The following MALRD1 variants were observed in gnomAD, a reference collection of about 807,000 sequenced individuals.
The protein encoded by MALRD1 is MAM and LDL-receptor class A domain-containing protein 1.
In MALRD1, 247 loss-of-function variants were observed where a neutral mutation model predicts 242.1. That is an observed-to-expected ratio of 1.02 (90% CI 0.92 to 1.13). The LOEUF is 1.13. Among genes scored for constraint, MALRD1 ranks in the 50% most tolerant of loss-of-function variants. The probability of loss-of-function intolerance (pLI) is 0.00; values close to 1 mark genes in which losing one functional copy is unlikely to be tolerated. For synonymous variants in MALRD1, 995 were observed against 866.6 expected, an observed-to-expected ratio of 1.15 and a Z score of -2.60; for missense variants, 2,989 against 2,533.1, an observed-to-expected ratio of 1.18 and a Z score of -3.86.
intron 1 of MALRD1, among the ~76,000 whole-genome samples, chr10:19,055,622 T>A (rs1260086501): frequency 2.0e-5 from 3 of 152,234 alleles, no homozygotes; most frequent in Non-Finnish European, 4.4e-5. Flanking sequence ...CATCTGCATA[T>A]GGATGTCCAG....
chr10:19,518,839 ATCAC>A (rs1478008960), intron 31 of MALRD1, among the ~76,000 whole-genome samples: 1 of 152,218 alleles, frequency 6.6e-6, no homozygotes, highest in Non-Finnish European at 1.5e-5. Flanking sequence ...CCATTCATGA[ATCAC>A]TCACAACCAC....
At chr10:19,603,996 A>G (rs1057187406) in intron 34 of MALRD1, among the ~76,000 whole-genome samples, 6 of 152,160 alleles carry the variant, frequency 3.9e-5, no homozygotes, top group Admixed American at 3.9e-4. Flanking sequence ...TTGGCCAACT[A>G]CAATAGCTTC....
chr10:19,332,922 G>T (rs144246117), intron 24 of MALRD1, among the ~76,000 whole-genome samples: 1,738 of 152,134 alleles, frequency 0.011, 20 homozygotes, highest in Middle Eastern at 0.037. Context: ...TGTGCACAAC[G>T]TGCAGGTTTG....
At chr10:19,217,842 C>T (rs1837390651) in intron 18 of MALRD1, among the ~76,000 whole-genome samples, 1 of 152,144 alleles carries the variant, frequency 6.6e-6, no homozygotes, top group Admixed American at 6.5e-5. Context: ...GGTCTTTATA[C>T]TTACTTGTTT....
At chr10:19,624,008 T>G (rs1839527247) in intron 36 of MALRD1, among the ~76,000 whole-genome samples, 1 of 152,156 alleles carries the variant, frequency 6.6e-6, no homozygotes. Flanking sequence ...ACCTCTTGAA[T>G]AAGCAACATA....
chr10:19,103,750 C>T (rs1243007165), intron 4 of MALRD1, among the ~76,000 whole-genome samples: 2 of 152,074 alleles, frequency 1.3e-5, no homozygotes, highest in African/African-American at 2.4e-5. Context: ...ATTTCACTAT[C>T]ATGTTACCTA....
At chr10:19,611,671 C>G (rs1838904661) in intron 35 of MALRD1, among the ~76,000 whole-genome samples, 1 of 152,016 alleles carries the variant, frequency 6.6e-6, no homozygotes, top group African/African-American at 2.4e-5. Context: ...TGGAAATACT[C>G]AGCCTCTTCA....
intron 30 of MALRD1, 82 bp from the exon 31 acceptor site, chr10:19,498,403 A>G: frequency 8.8e-6 from 11 of 1,255,930 alleles, no homozygotes; most frequent in Non-Finnish European, 1.1e-5. Context: ...GCAGATACTA[A>G]TTTTAAATGA....
intron 31 of MALRD1, among the ~76,000 whole-genome samples, chr10:19,524,807 A>C (rs1045437603): frequency 6.6e-6 from 1 of 152,160 alleles, no homozygotes; most frequent in Admixed American, 6.5e-5. Context: ...ATTGTCTTTT[A>C]TTATTTTTCC....
At chr10:19,344,054 TAA>T (rs1826501417) in intron 24 of MALRD1, among the ~76,000 whole-genome samples, 2 of 152,148 alleles carry the variant, frequency 1.3e-5, no homozygotes, top group African/African-American at 4.8e-5. Context: ...ATTATGGGTA[TAA>T]GTCTTTTAAC....
At chr10:19,302,036 A>T (rs1841972820) in intron 21 of MALRD1, among the ~76,000 whole-genome samples, 1 of 151,878 alleles carries the variant, frequency 6.6e-6, no homozygotes, top group Non-Finnish European at 1.5e-5. Context: ...GTCAATAGAA[A>T]ATTCAAATCA....
At position 19,531,254 on chromosome 10, in the gene MALRD1, G is replaced by T. The variant is rs1031543880; in HGVS notation, c.5381G>T (p.Arg1794Ile). 6.4e-7 allele frequency: 1 copy of T among 1,550,480 alleles called. No homozygotes were observed. ...SSGSKEGSVA[R>I]ITTSKSFPAS... ...GGCTCCAAGGAAGGATCCGTTGCCA[G>T]AATTACTACTTCCAAATCCTTCCCA... The change falls in exon 32 of 40, where the codon AGA (arginine) becomes ATA (isoleucine). Residue 1794 changes from arginine to isoleucine, a missense_variant. Coordinates refer to ENST00000454679, the MANE Select transcript of MALRD1 (RefSeq NM_001142308.3).
chr10:19,723,593 T>A (rs1221569121), intron 38 of MALRD1, among the ~76,000 whole-genome samples: 2 of 151,940 alleles, frequency 1.3e-5, no homozygotes, highest in African/African-American at 4.8e-5. Context: ...ATTAAAAAAA[T>A]TAGCCGGGTG....
At position 19,498,625 on chromosome 10, in the gene MALRD1, C is replaced by G; in HGVS notation, c.5299C>G (p.Pro1767Ala). 1 of 1,550,116 alleles carries G rather than the reference C, an allele frequency of 6.5e-7. No individual in the cohort carries two copies. Among genetic ancestry groups the G allele is most frequent in the Non-Finnish European group, 8.7e-7 (1 of 1,146,750 alleles). ...GSRIPAKALI[P>A]DSDHTPGSGQ... ...CAGAATTCCTGCCAAAGCATTAATTCCAGACTCTGATCACACGCCAGGTAA... is the reference window on the plus strand; with the variant it reads ...CAGAATTCCTGCCAAAGCATTAATTGCAGACTCTGATCACACGCCAGGTAA... The change falls in exon 31 of 40, where the codon CCA becomes GCA. Residue 1767 changes from proline (P) to alanine (A), a missense_variant. Transcript: ENST00000454679.
At chr10:19,284,793 T>C (rs1374699084) in intron 21 of MALRD1, among the ~76,000 whole-genome samples, 7 of 53,270 alleles carry the variant, frequency 1.3e-4, no homozygotes, top group Admixed American at 2.6e-4. Context: ...GGTCAAATGG[T>C]ATTTCTAGTT....
chr10:19,554,066 C>A (rs1468925376), intron 32 of MALRD1, among the ~76,000 whole-genome samples: 1 of 152,106 alleles, frequency 6.6e-6, no homozygotes, highest in African/African-American at 2.4e-5. Context: ...GTGAAAGAAA[C>A]AGGCAGTAAG....
At chr10:19,435,143 A>G (rs1444305003) in intron 28 of MALRD1, among the ~76,000 whole-genome samples, 1 of 149,446 alleles carries the variant, frequency 6.7e-6, no homozygotes, top group Non-Finnish European at 1.5e-5. Context: ...TATATATTTT[A>G]TTTTATAATA....
intron 21 of MALRD1, among the ~76,000 whole-genome samples, chr10:19,318,679 C>T (rs543899570): frequency 1.1e-4 from 16 of 151,814 alleles, no homozygotes; most frequent in African/African-American, 3.6e-4. Flanking sequence ...TCTCTTCTTA[C>T]GTTTTATTTT....
chr10:19,198,136 A>G (rs979175825), intron 14 of MALRD1, among the ~76,000 whole-genome samples: 2 of 152,190 alleles, frequency 1.3e-5, no homozygotes, highest in South Asian at 4.1e-4. Context: ...TATTTAATAT[A>G]GCGTCAAGTA....
Sources: allele counts gnomAD v4.1 joint callset (sites outside exome capture counted in the v4.1 genomes callset), GRCh38; gene constraint gnomAD v4.1.1; transcripts MANE v1.5; gene names NCBI Gene and HGNC (gene_info 2026-07-23, HGNC 2026-07-21).